The following MYO5A variants were observed in gnomAD, a reference collection of about 807,000 sequenced individuals.
MYO5A encodes the protein myosin VA.
MYO5A carries 98 observed loss-of-function variants against 249.7 expected under a neutral mutation model. The observed-to-expected ratio is 0.39, with a 90% CI of 0.33 to 0.46. The LOEUF (loss-of-function observed/expected upper bound fraction) is 0.46. Ranked by LOEUF, MYO5A falls within the 20% of genes least tolerant of loss-of-function variation. The pLI, the probability that MYO5A is intolerant of heterozygous loss-of-function variation, is 0.98. For missense variants in MYO5A, 1,696 were observed against 2,308.8 expected (o/e 0.73, Z 5.44); for synonymous variants, 778 against 810.6 (o/e 0.96, Z 0.68).
intron 1 of MYO5A, among the ~76,000 whole-genome samples, chr15:52,473,999 C>T (rs377126026): frequency 3.9e-5 from 6 of 152,136 alleles, no homozygotes; most frequent in Admixed American, 6.5e-5. Flanking sequence ...GCCATTTTCA[C>T]GATATTGATT....
chr15:52,372,298 G>A lies in MYO5A; in HGVS notation c.2643C>T (p.His881=). The change falls in exon 21 of 42, where the codon CAC becomes CAT. Residue 881 remains histidine (H), a synonymous_variant. Coordinates refer to ENST00000399233, the MANE Select transcript of MYO5A (RefSeq NM_001382347.1). ...KRVRGWLART[H]YKRSMHAIIY... is the part of the protein sequence containing the mutation. ...TGATGGCATGCATGCTCCTCTTGTA[G>A]TGTGTGCGGGCCAGCCAGCCCCGGA... 1.2e-6 allele frequency: 2 copies of A among 1,609,582 alleles called. No individual in the cohort carries two copies. Among genetic ancestry groups the A allele is most frequent in the South Asian group, 1.1e-5 (1 of 91,040 alleles).
intron 8 of MYO5A, among the ~76,000 whole-genome samples, chr15:52,406,040 T>A (rs1292870715): frequency 2.0e-5 from 3 of 152,186 alleles, no homozygotes; most frequent in Admixed American, 6.5e-5. Context: ...AAATACAGCA[T>A]CAGAGCAGAA....
chr15:52,413,147 C>CAA (rs767059579), intron 5 of MYO5A, among the ~76,000 whole-genome samples: 2,107 of 65,880 alleles, frequency 0.032, 31 homozygotes, highest in Non-Finnish European at 0.04. Flanking sequence ...AACTCTGTCT[C>CAA]AAAAAAAAAA....
intron 35 of MYO5A, 52 bp downstream of exon 35, chr15:52,330,300 AC>A: frequency 7.4e-6 from 12 of 1,612,272 alleles, no homozygotes; most frequent in Non-Finnish European, 1.0e-5. Context: ...AGTTTTTCCC[AC>A]CATTAACCCA....
At chr15:52,465,745 GC>G (rs1393996777) in intron 1 of MYO5A, among the ~76,000 whole-genome samples, 1 of 151,612 alleles carries the variant, frequency 6.6e-6, no homozygotes, top group African/African-American at 2.4e-5. Context: ...GATTTTTTTC[GC>G]CCAAGATGGC....
chr15:52,357,813 T>G (rs2040321916), intron 25 of MYO5A, among the ~76,000 whole-genome samples: 1 of 152,202 alleles, frequency 6.6e-6, no homozygotes, highest in African/African-American at 2.4e-5. Flanking sequence ...TTTGCCTTAG[T>G]AAGGACTTTG....
chr15:52,472,361 G>T (rs935115232), intron 1 of MYO5A, among the ~76,000 whole-genome samples: 1 of 152,124 alleles, frequency 6.6e-6, no homozygotes, highest in Non-Finnish European at 1.5e-5. Flanking sequence ...TTACAGGCTT[G>T]AGCCATCGCG....
At chr15:52,434,865 G>A (rs559600395) in intron 1 of MYO5A, among the ~76,000 whole-genome samples, 5 of 152,296 alleles carry the variant, frequency 3.3e-5, no homozygotes, top group Non-Finnish European at 5.9e-5. Flanking sequence ...TGGCTGGCAT[G>A]GGCCAGACTG....
At position 52,377,787 on chromosome 15, in the gene MYO5A, C is replaced by T. The variant is rs1453225619; in HGVS notation, c.2209-1229G>A. ...GGTTTCACCATATTGGCCAGGGTGG[C>T]CTCAAACGCTGGGCCTCAAGCAGTC... On this transcript the variant is annotated intron_variant, in intron 18 of 41. Coordinates refer to ENST00000399233, the MANE Select transcript of MYO5A (RefSeq NM_001382347.1). 2.6e-5 allele frequency among the ~76,000 whole-genome samples: 4 copies of T among 151,754 alleles called. No homozygotes were observed. The East Asian group carries it at 7.8e-4, about 30-fold the overall frequency.
rs151323860 is a variant in MYO5A at position 52,445,494 on chromosome 15, G to A, written c.28-12209C>T. 5.3e-3 allele frequency among the ~76,000 whole-genome samples: 810 copies of A among 152,274 alleles called. 2 individuals carry two copies. The highest frequency in any genetic ancestry group is 0.01 in the Middle Eastern group (3 of 294). ...AACACAAAAAATTGGTACTAGGAGTGAGGGATTGCCTCACATACAGATAAC... is the reference window on the plus strand; with the variant it reads ...AACACAAAAAATTGGTACTAGGAGTAAGGGATTGCCTCACATACAGATAAC... On this transcript the variant is annotated intron_variant, in intron 1 of 41. Coordinates refer to ENST00000399233, the MANE Select transcript of MYO5A (RefSeq NM_001382347.1).
intron 1 of MYO5A, among the ~76,000 whole-genome samples, chr15:52,518,314 C>T (rs904113378): frequency 1.3e-5 from 2 of 148,270 alleles, no homozygotes; most frequent in African/African-American, 2.5e-5. Flanking sequence ...ATCAGTGGTG[C>T]AGAGGTTGAG....
Position 52,351,335 on chromosome 15 carries a change from G to A in MYO5A, c.3768C>T (p.Ser1256=), listed in dbSNP as rs373420132. 3.8e-5 allele frequency: 62 copies of A among 1,614,046 alleles called. No individual in the cohort carries two copies. The highest frequency in any genetic ancestry group is 3.3e-4 in the Middle Eastern group (2 of 6,084). ...RVLMEQLTSV[S]EELDVRKEEV... is the part of the protein sequence containing the mutation. ...CCTCCTTGCGGACATCAAGCTCCTC[G>A]CTCACAGAGGTCAGCTGCTCCATGA... Residue 1256 remains serine (S), a synonymous_variant, in exon 28 of 42, where the codon AGC becomes AGT. Transcript: ENST00000399233.
Position 52,494,375 on chromosome 15 carries a change from G to C in MYO5A, c.27+34405C>G, listed in dbSNP as rs897926006. Among the ~76,000 whole-genome samples, 4 of 152,268 alleles carry C rather than the reference G, an allele frequency of 2.6e-5. No homozygotes were observed. In the South Asian group the frequency reaches 8.3e-4, roughly 32 times the overall value. ...TCTTGGTTCTGTGCTAACACCCACAGATCTTTCTTGCCAATGGAAATCATT... is the reference window on the plus strand; with the variant it reads ...TCTTGGTTCTGTGCTAACACCCACACATCTTTCTTGCCAATGGAAATCATT... On this transcript the variant is annotated intron_variant, in intron 1 of 41. Transcript: ENST00000399233.
intron 36 of MYO5A, among the ~76,000 whole-genome samples, chr15:52,324,451 A>T (rs984540090): frequency 6.6e-6 from 1 of 152,244 alleles, no homozygotes; most frequent in Non-Finnish European, 1.5e-5. Flanking sequence ...CAGTTTGTAT[A>T]TGGGAAGTCA....
Position 52,372,278 on chromosome 15 carries a change from G to A in MYO5A, c.2663C>T (p.Ala888Val). The A allele has an allele frequency of 6.2e-7, 1 of 1,611,326 alleles. No homozygotes were observed. The highest frequency in any genetic ancestry group is 8.5e-7 in the Non-Finnish European group (1 of 1,180,012). The change falls in exon 21 of 42, where the codon GCC (alanine) becomes GTC (valine). Residue 888 changes from alanine (A) to valine (V), a missense_variant. Coordinates refer to ENST00000399233, the MANE Select transcript of MYO5A (RefSeq NM_001382347.1). ...GAAGCAGCACTGAAGGTAGATGATG[G>A]CATGCATGCTCCTCTTGTAGTGTGT... ...ARTHYKRSMHAIIYLQCCFRR... is the reference protein window; with the variant it reads ...ARTHYKRSMHVIIYLQCCFRR...
chr15:52,505,683 A>G, intron 1 of MYO5A: 3 of 1,253,036 alleles, frequency 2.4e-6, no homozygotes, highest in East Asian at 2.3e-5. Flanking sequence ...GAAGCATTCA[A>G]GCAGACGTCT....
chr15:52,405,295 T>A lies in MYO5A; in HGVS notation c.1045A>T (p.Thr349Ser). Reference protein sequence around the residue: ...GFTSRDADSCTIPPKHEPLCI... With the variant: ...GFTSRDADSCSIPPKHEPLCI... ...GCTTATTCTGAACTTACAGGTATTG[T>A]GCAGCTGTCTGCATCTCGGGATGTA... The change falls in exon 9 of 42, where the codon ACA (threonine) becomes TCA (serine). Residue 349 changes from threonine (T) to serine (S), a missense_variant. Transcript: ENST00000399233. 1 of 1,609,448 alleles carries A rather than the reference T, an allele frequency of 6.2e-7. No individual in the cohort carries two copies. The highest frequency in any genetic ancestry group is 8.5e-7 in the Non-Finnish European group (1 of 1,175,744).
intron 1 of MYO5A, among the ~76,000 whole-genome samples, chr15:52,473,711 G>A (rs2076528699): frequency 6.6e-6 from 1 of 152,112 alleles, no homozygotes; most frequent in Admixed American, 6.6e-5. Context: ...TTGTAGATGT[G>A]TATTATTTCT....
intron 1 of MYO5A, among the ~76,000 whole-genome samples, chr15:52,471,218 T>C (rs1266542173): frequency 6.6e-6 from 1 of 152,188 alleles, no homozygotes; most frequent in African/African-American, 2.4e-5. Flanking sequence ...TGTCCCTTCC[T>C]GCCTTAAATC....
Sources: allele counts gnomAD v4.1 joint callset (sites outside exome capture counted in the v4.1 genomes callset), GRCh38; gene constraint gnomAD v4.1.1; transcripts MANE v1.5; gene names NCBI Gene and HGNC (gene_info 2026-07-23, HGNC 2026-07-21).